The following KIR2DL3 variants were observed in gnomAD, a reference collection of about 807,000 sequenced individuals.
The protein encoded by KIR2DL3 is killer cell immunoglobulin-like receptor 2DL3.
A neutral mutation model predicts 33.8 loss-of-function variants in KIR2DL3; 39 were observed. The ratio of observed to expected loss-of-function variants is 1.15; its 90% confidence interval spans 0.89 to 1.51. KIR2DL3 has a LOEUF of 1.51. Ranked by LOEUF, KIR2DL3 falls within the 40% of genes most tolerant of loss-of-function variation. The pLI is 0.00. For synonymous variants in KIR2DL3, 174 were observed against 160.2 expected, an observed-to-expected ratio of 1.09 and a Z score of -0.65; for missense variants, 462 against 426.2, an observed-to-expected ratio of 1.08 and a Z score of -0.74.
chr19:54,748,347 A>T (rs1198136231), intron 5 of KIR2DL3, among the ~76,000 whole-genome samples: 10 of 149,612 alleles, frequency 6.7e-5, no homozygotes, highest in African/African-American at 2.5e-4. Flanking sequence ...TTTTAAGTTC[A>T]GCTGATTAGC....
chr19:54,739,881 A>T (rs2070690046), intron 2 of KIR2DL3, among the ~76,000 whole-genome samples: 1 of 151,906 alleles, frequency 6.6e-6, no homozygotes, highest in Non-Finnish European at 1.5e-5. Context: ...CTACCAGAAG[A>T]GGTGGGAAAC....
intron 3 of KIR2DL3, among the ~76,000 whole-genome samples, chr19:54,743,193 T>C (rs1367638861): frequency 1.3e-5 from 2 of 152,052 alleles, no homozygotes; most frequent in Non-Finnish European, 2.9e-5. Flanking sequence ...AGATGATAGA[T>C]AATAGGTTAA....
chr19:54,749,143 T>A (rs1280058549), intron 5 of KIR2DL3, among the ~76,000 whole-genome samples: 2 of 151,012 alleles, frequency 1.3e-5, no homozygotes, highest in Non-Finnish European at 3.0e-5. Context: ...ATGCTGGGAA[T>A]GATGTGGGGA....
rs201331014 is a variant in KIR2DL3 at position 54,751,374 on chromosome 19, T to C, written c.716-275T>C. 1.4e-3 allele frequency among the ~76,000 whole-genome samples: 168 copies of C among 118,686 alleles called. 5 individuals carry two copies. The highest frequency in any genetic ancestry group is 4.6e-3 in the South Asian group (14 of 3,044). The allele number at this position is 118,686 out of a possible 152,430, so 77.9% of individuals were successfully genotyped here. A position where few individuals can be genotyped will look rare whatever the true frequency, so the allele number is the denominator to read the frequency against. On this transcript the variant is annotated intron_variant, in intron 5 of 7. Transcript: ENST00000342376. ...TCCACCTCCATGACCCAAACACCTCTCAAGAGGCCCAACCTCCCACAGTGG... is the reference window on the plus strand; with the variant it reads ...TCCACCTCCATGACCCAAACACCTCCCAAGAGGCCCAACCTCCCACAGTGG...
intron 5 of KIR2DL3, among the ~76,000 whole-genome samples, chr19:54,750,434 G>A (rs1412749990): frequency 2.1e-5 from 3 of 141,308 alleles, no homozygotes; most frequent in Admixed American, 7.3e-5. Context: ...ATCACAAAGA[G>A]TAGCACGTTT....
chr19:54,752,157 A>C (rs570902614), intron 6 of KIR2DL3, 59 bp from the exon 7 acceptor site: 1 of 1,439,536 alleles, frequency 6.9e-7, no homozygotes, highest in African/African-American at 1.6e-5. Flanking sequence ...GTATCTGCTT[A>C]TGAAATGAGG....
chr19:54,744,921 C>CATATATATATATATATATAT (rs1177112432), intron 4 of KIR2DL3, among the ~76,000 whole-genome samples: 1 of 25,254 alleles, frequency 4.0e-5, no homozygotes, highest in African/African-American at 1.3e-4. Flanking sequence ...CATATATAAA[C>CATATATATATATATATATAT]ATATATATAT....
At chr19:54,743,397 A>G (rs1236669129) in intron 3 of KIR2DL3, among the ~76,000 whole-genome samples, 1 of 152,196 alleles carries the variant, frequency 6.6e-6, no homozygotes, top group Non-Finnish European at 1.5e-5. Context: ...ATAGATATAG[A>G]TGACAGGTAG....
intron 5 of KIR2DL3, among the ~76,000 whole-genome samples, chr19:54,750,445 C>T (rs1443771279): frequency 1.4e-5 from 2 of 140,854 alleles, no homozygotes; most frequent in Non-Finnish European, 3.1e-5. Flanking sequence ...TAGCACGTTT[C>T]ACACGGGCTT....
Position 54,742,257 on chromosome 19 carries a change from C to T in KIR2DL3, c.348C>T (p.Asp116=), listed in dbSNP as rs778012392. 1.7e-5 allele frequency: 27 copies of T among 1,614,052 alleles called. No individual in the cohort carries two copies. Among genetic ancestry groups the T allele is most frequent in the Non-Finnish European group, 2.0e-5 (24 of 1,180,042 alleles). ...HSPYQLSAPS[D]PLDIVITGLY... ...CCTATCAGTTGTCAGCTCCCAGTGA[C>T]CCTCTGGACATCGTCATCACAGGTG... The change falls in exon 3 of 8, where the codon GAC becomes GAT. Residue 116 remains aspartate (D), a synonymous_variant. Coordinates refer to ENST00000342376, the MANE Select transcript of KIR2DL3 (RefSeq NM_015868.3).
chr19:54,741,984 C>A lies in KIR2DL3; in HGVS notation c.75C>A (p.Val25=). 1 of 1,606,302 alleles carries A rather than the reference C, an allele frequency of 6.2e-7. No homozygotes were observed. The highest frequency in any genetic ancestry group is 8.5e-7 in the Non-Finnish European group (1 of 1,175,010). Residue 25 remains valine (V), a synonymous_variant, in exon 3 of 8, where the codon GTC becomes GTA. Transcript: ENST00000342376. ...ACTCACAACCTCTCTTCCTAGGAGT[C>A]CACAGAAAACCTTCCCTCCTGGCCC... ...LLQGAWPHEG[V]HRKPSLLAHP...
At position 54,748,630 on chromosome 19, in the gene KIR2DL3, T is replaced by A. The variant is rs1568998555; in HGVS notation, c.715+1245T>A. Among the ~76,000 whole-genome samples, 8 of 147,558 alleles carry A rather than the reference T, an allele frequency of 5.4e-5. No individual in the cohort carries two copies. In the South Asian group the frequency reaches 1.7e-3, roughly 32 times the overall value. Reference sequence around the variant, plus strand: ...ATGAAATCTATTTTTTGTTTGTTCTTTTGTTTATTGAGACAGAGTCGCCCT... The same window carrying A: ...ATGAAATCTATTTTTTGTTTGTTCTATTGTTTATTGAGACAGAGTCGCCCT... On this transcript the variant is annotated intron_variant, in intron 5 of 7. Coordinates refer to ENST00000342376, the MANE Select transcript of KIR2DL3 (RefSeq NM_015868.3).
intron 4 of KIR2DL3, among the ~76,000 whole-genome samples, chr19:54,744,919 A>AC (rs1568969043): frequency 2.4e-5 from 1 of 41,022 alleles, no homozygotes; most frequent in African/African-American, 7.1e-5. Context: ...CACATATATA[A>AC]ACATATATAT....
At position 54,748,685 on chromosome 19, in the gene KIR2DL3, G is replaced by A. The variant is rs540215527; in HGVS notation, c.715+1300G>A. Among the ~76,000 whole-genome samples the A allele has an allele frequency of 7.0e-3, 996 of 143,290 alleles. 1 individual carries two copies. The highest frequency in any genetic ancestry group is 0.024 in the African/African-American group (944 of 38,548). The allele number at this position is 143,290 out of a possible 152,430, so 94.0% of individuals were successfully genotyped here. Reference sequence around the variant, plus strand: ...CTTCCAGGCTACAGTGCAGTGTCACGATCTTGGCTCACTGCAACCTGCGTC... The same window carrying A: ...CTTCCAGGCTACAGTGCAGTGTCACAATCTTGGCTCACTGCAACCTGCGTC... On this transcript the variant is annotated intron_variant, in intron 5 of 7. Coordinates refer to ENST00000342376, the MANE Select transcript of KIR2DL3 (RefSeq NM_015868.3).
Position 54,742,393 on chromosome 19 carries a change from C to G in KIR2DL3, c.370+114C>G, listed in dbSNP as rs2071342875. ...AGCTTGGTATTCTTATGGAGAGAGA[C>G]TGACTTGCTGAGGTTTGTACCAACA... On this transcript the variant is annotated intron_variant, in intron 3 of 7. Transcript: ENST00000342376. 4.1e-6 allele frequency: 6 copies of G among 1,452,430 alleles called. No individual in the cohort carries two copies. The South Asian group carries it at 4.6e-5, about 11-fold the overall frequency. The allele number at this position is 1,452,430 out of a possible 1,614,324, so 90.0% of individuals were successfully genotyped here.
Position 54,751,878 on chromosome 19 carries a change from G to A in KIR2DL3, c.820+125G>A. 4 of 852,570 alleles carry A rather than the reference G, an allele frequency of 4.7e-6. 1 individual carries two copies. Among genetic ancestry groups the A allele is most frequent in the Non-Finnish European group, 7.1e-6 (4 of 560,274 alleles). 52.8% of individuals were successfully genotyped at this position (852,570 alleles called of 1,614,324 possible). On this transcript the variant is annotated intron_variant, in intron 6 of 7. Transcript: ENST00000342376. ...GCCCAAGGCAGCAGCCACAGAGGGA[G>A]GACTTTCTAGAGAGAGCACCAGACT...
At chr19:54,742,970 T>C (rs1417581674) in intron 3 of KIR2DL3, among the ~76,000 whole-genome samples, 658 of 151,036 alleles carry the variant, frequency 4.4e-3, no homozygotes, top group African/African-American at 0.015. Flanking sequence ...CACAGACACA[T>C]AAAGAGAGAG....
chr19:54,747,367 G>T lies in KIR2DL3; in HGVS notation c.697G>T (p.Glu233Ter). 6.2e-7 allele frequency: 1 copy of T among 1,611,754 alleles called. No individual in the cohort carries two copies. Among genetic ancestry groups the T allele is most frequent in the East Asian group, 2.2e-5 (1 of 44,862 alleles). The change falls in exon 5 of 8, where the codon GAA becomes TAA. Residue 233 changes from glutamate (E) to a stop codon, truncating the protein, a stop_gained. Transcript: ENST00000342376. LOFTEE classifies it high-confidence loss of function. ...TTCAAATAGTTGGCCTTCACCCACT[G>T]AACCAAGCTCCGAAACCGGTGAGTA... Reference protein sequence around the residue: ...NPSNSWPSPTEPSSETGNPRH... With the variant: ...NPSNSWPSPT
Position 54,752,236 on chromosome 19 carries a change from G to C in KIR2DL3, c.841G>C (p.Glu281Gln), listed in dbSNP as rs1353315760. Reference protein sequence around the residue: ...NKKNAVVMDQEPAGNRTVNRE... With the variant: ...NKKNAVVMDQQPAGNRTVNRE... ...TACAGATGCTGTTGTAATGGACCAAGAGCCTGCAGGGAACAGAACAGTGAA... is the reference window on the plus strand; with the variant it reads ...TACAGATGCTGTTGTAATGGACCAACAGCCTGCAGGGAACAGAACAGTGAA... The change falls in exon 7 of 8, where the codon GAG becomes CAG. Residue 281 changes from glutamate (E) to glutamine (Q), a missense_variant. Glu to Gln is a conservative substitution (Grantham distance 29, BLOSUM62 2). Coordinates refer to ENST00000342376, the MANE Select transcript of KIR2DL3 (RefSeq NM_015868.3). The C allele has an allele frequency of 1.4e-6, 2 of 1,474,574 alleles. 1 individual carries two copies. Among genetic ancestry groups the C allele is most frequent in the Non-Finnish European group, 1.8e-6 (2 of 1,082,164 alleles). The allele number at this position is 1,474,574 out of a possible 1,614,324, so 91.3% of individuals were successfully genotyped here. A position where few individuals can be genotyped will look rare whatever the true frequency, so the allele number is the denominator to read the frequency against.
Sources: allele counts gnomAD v4.1 joint callset (sites outside exome capture counted in the v4.1 genomes callset), GRCh38; gene constraint gnomAD v4.1.1; transcripts MANE v1.5; gene names NCBI Gene and HGNC (gene_info 2026-07-23, HGNC 2026-07-21).